Variants in RBM26 observed in about 807,000 individuals in gnomAD.
RBM26 encodes the protein RNA-binding protein 26.
A neutral mutation model predicts 123.6 loss-of-function variants in RBM26; 30 were observed. The ratio of observed to expected loss-of-function variants is 0.24; its 90% CI spans 0.18 to 0.33. The LOEUF is 0.33. Among genes scored for constraint, RBM26 ranks in the 10% least tolerant of loss-of-function variants. The pLI, the probability that RBM26 is intolerant of heterozygous loss-of-function variation, is 1.00. For missense variants in RBM26, 947 were observed against 1,203.6 expected (o/e 0.79, Z 3.15); for synonymous variants, 400 against 404.4 (o/e 0.99, Z 0.13).
intron 14 of RBM26, among the ~76,000 whole-genome samples, chr13:79,349,739 AC>A (rs1415558486): frequency 1.3e-5 from 2 of 150,090 alleles, no homozygotes; most frequent in Non-Finnish European, 3.0e-5. Flanking sequence ...TAGCTCTGCC[AC>A]CCAGGCTGGG....
rs770083578 is a variant in RBM26, at chr13:79,319,181, CCA to C, written c.*1438_*1439del. ...AAAAGAACAGCATCCTTAAGTTACT[CCA>C]CTGGCAGAAGACTATGGTGGTGGTG... On this transcript the variant is annotated 3_prime_UTR_variant, in exon 22 of 22. Coordinates refer to ENST00000438737, the MANE Select transcript of RBM26 (RefSeq NM_001366735.2). 3.0e-5 allele frequency: 30 copies of C among 984,448 alleles called. 1 individual carries two copies. Among genetic ancestry groups the C allele is most frequent in the Non-Finnish European group, 3.1e-5 (26 of 829,384 alleles). The allele number at this position is 984,448 out of a possible 1,614,324, so 61.0% of individuals were successfully genotyped here. A position where few individuals can be genotyped will look rare whatever the true frequency, so the allele number is the denominator to read the frequency against.
At chr13:79,337,902 G>GT (rs2070717619) in intron 18 of RBM26, among the ~76,000 whole-genome samples, 2 of 152,108 alleles carry the variant, frequency 1.3e-5, no homozygotes, top group African/African-American at 2.4e-5. Context: ...AACCCAAGTC[G>GT]TAAGTGTAAA....
chr13:79,363,854 GA>G (rs1167482385), intron 9 of RBM26, among the ~76,000 whole-genome samples: 1 of 152,138 alleles, frequency 6.6e-6, no homozygotes, highest in Admixed American at 6.5e-5. Flanking sequence ...AAGGTAGAAA[GA>G]AATGACTTTA....
rs1345163100 is a variant in RBM26, at chr13:79,342,789, C to T, written c.2302G>A (p.Glu768Lys). Residue 768 changes from glutamate to lysine, a missense_variant, in exon 17 of 22, where the codon GAA (glutamate) becomes AAA (lysine). Coordinates refer to ENST00000438737, the MANE Select transcript of RBM26 (RefSeq NM_001366735.2). ...KLEKNKTMKS[E>K]DKAEIMKTLE... Reference sequence around the variant, plus strand: ...GTTTTCATTATTTCTGCTTTATCTTCAGACTTCATTGTTTTGTTTTTCTCC... The same window carrying T: ...GTTTTCATTATTTCTGCTTTATCTTTAGACTTCATTGTTTTGTTTTTCTCC... The T allele has an allele frequency of 6.2e-7, 1 of 1,605,716 alleles. No individual in the cohort carries two copies. Among genetic ancestry groups the T allele is most frequent in the South Asian group, 1.1e-5 (1 of 89,508 alleles).
At chr13:79,326,689 T>A (rs954872102) in intron 20 of RBM26, among the ~76,000 whole-genome samples, 3 of 152,098 alleles carry the variant, frequency 2.0e-5, no homozygotes, top group African/African-American at 4.8e-5. Flanking sequence ...ATTAAAATTT[T>A]AAAAAACATA....
chr13:79,327,089 A>C (rs764509176), intron 20 of RBM26, among the ~76,000 whole-genome samples: 2 of 152,122 alleles, frequency 1.3e-5, no homozygotes, highest in African/African-American at 4.8e-5. Flanking sequence ...TGAGCTCAGG[A>C]GTTCAAGACC....
At chr13:79,328,554 C>G (rs1007993478) in intron 20 of RBM26, among the ~76,000 whole-genome samples, 1 of 150,432 alleles carries the variant, frequency 6.6e-6, no homozygotes, top group South Asian at 2.1e-4. Flanking sequence ...TGGTGAAAGC[C>G]TTTCAAACTA....
chr13:79,373,179 TTATA>T (rs2140106725), intron 3 of RBM26, among the ~76,000 whole-genome samples: 1 of 109,842 alleles, frequency 9.1e-6, no homozygotes, highest in East Asian at 2.5e-4. Flanking sequence ...ATATAAATTT[TTATA>T]TAAATATATA....
rs183676564 is a variant in RBM26, at chr13:79,365,218, G to A, written c.1417+360C>T. Among the ~76,000 whole-genome samples, 605 of 152,216 alleles carry A rather than the reference G, an allele frequency of 4.0e-3. 4 individuals carry two copies. The highest frequency in any genetic ancestry group is 0.014 in the African/African-American group (580 of 41,516). On this transcript the variant is annotated intron_variant, in intron 9 of 21. Coordinates refer to ENST00000438737, the MANE Select transcript of RBM26 (RefSeq NM_001366735.2). ...AGCACTTTGGGAAGCCAAGGCGGGC[G>A]GATCACTTGAGGTCAGAGAAGTTCA... is the stretch of plus-strand genomic sequence containing the variant.
At position 79,365,720 on chromosome 13, in the gene RBM26, T is replaced by C; in HGVS notation, c.1277-2A>G. ...TGTAGCCATCTGTGTCATATGTATC[T>C]GGTAATACAAAAACTGTAATTAAAA... On this transcript the variant is annotated splice_acceptor_variant, in intron 8 of 21. Transcript: ENST00000438737. LOFTEE classifies it high-confidence loss of function. 1 of 1,605,988 alleles carries C rather than the reference T, an allele frequency of 6.2e-7. No individual in the cohort carries two copies. Among genetic ancestry groups the C allele is most frequent in the Non-Finnish European group, 8.5e-7 (1 of 1,177,790 alleles).
chr13:79,345,807 C>T (rs2072225757), intron 14 of RBM26, among the ~76,000 whole-genome samples: 1 of 151,914 alleles, frequency 6.6e-6, no homozygotes, highest in Non-Finnish European at 1.5e-5. Flanking sequence ...ACTGAAATGA[C>T]TATAGGTCAG....
At chr13:79,357,898 T>C (rs1452120756) in intron 11 of RBM26, among the ~76,000 whole-genome samples, 1 of 115,090 alleles carries the variant, frequency 8.7e-6, no homozygotes, top group Non-Finnish European at 1.9e-5. Context: ...TTTTTTTTTT[T>C]TGAGACAGAG....
chr13:79,327,368 G>C (rs558070480), intron 20 of RBM26, among the ~76,000 whole-genome samples: 1 of 150,784 alleles, frequency 6.6e-6, no homozygotes, highest in South Asian at 2.1e-4. Context: ...TCTACCTTAA[G>C]ACAAAAAGCC....
chr13:79,349,475 T>C (rs1387893286), intron 14 of RBM26, among the ~76,000 whole-genome samples: 1 of 152,100 alleles, frequency 6.6e-6, no homozygotes, highest in African/African-American at 2.4e-5. Flanking sequence ...GAGAAATATT[T>C]TAACAAACAT....
At chr13:79,394,545 A>G (rs1428195001) in intron 1 of RBM26, among the ~76,000 whole-genome samples, 1 of 152,102 alleles carries the variant, frequency 6.6e-6, no homozygotes, top group Non-Finnish European at 1.5e-5. Flanking sequence ...CCATTTCTCT[A>G]TTCCGTGCCT....
chr13:79,397,256 G>GA (rs1318779144), intron 1 of RBM26, among the ~76,000 whole-genome samples: 19 of 151,948 alleles, frequency 1.3e-4, no homozygotes, highest in Non-Finnish European at 1.8e-4. Flanking sequence ...AGCAAATTAA[G>GA]AAAAAAATTC....
rs566864976 is a variant in RBM26 at position 79,350,739 on chromosome 13, T to A, written c.2058+2414A>T. Reference sequence around the variant, plus strand: ...GGTTTTCCCCTGCCTTCATTTTTTTTAAAAAAAGAATCTTTCAACTAATAT... The same window carrying A: ...GGTTTTCCCCTGCCTTCATTTTTTTAAAAAAAAGAATCTTTCAACTAATAT... On this transcript the variant is annotated intron_variant, in intron 14 of 21. Coordinates refer to ENST00000438737, the MANE Select transcript of RBM26 (RefSeq NM_001366735.2). 3.3e-4 allele frequency among the ~76,000 whole-genome samples: 50 copies of A among 151,464 alleles called. No homozygotes were observed. The South Asian group carries it at 8.1e-3, about 25-fold the overall frequency.
intron 1 of RBM26, among the ~76,000 whole-genome samples, chr13:79,385,599 G>C (rs1416295391): frequency 6.6e-6 from 1 of 151,914 alleles, no homozygotes; most frequent in Non-Finnish European, 1.5e-5. Flanking sequence ...TTAAAAATAG[G>C]AACCACTCCA....
At chr13:79,392,060 T>C (rs1191596007) in intron 1 of RBM26, among the ~76,000 whole-genome samples, 2 of 140,400 alleles carry the variant, frequency 1.4e-5, no homozygotes, top group Non-Finnish European at 3.0e-5. Flanking sequence ...TATTATATAA[T>C]TATGTATTAT....
Sources: gnomAD v4.1 joint callset for allele counts (sites outside exome capture counted in the v4.1 genomes callset) on GRCh38, gnomAD v4.1.1 for gene constraint, MANE v1.5 for transcripts, NCBI Gene and HGNC (gene_info 2026-07-23, HGNC 2026-07-21) for gene names.